The following OR51B5 variants were observed in gnomAD, a reference collection of about 807,000 sequenced individuals.
The protein encoded by OR51B5 is olfactory receptor 51B5.
For synonymous variants in OR51B5, 186 were observed against 144.8 expected (o/e 1.28, Z -2.04); for missense variants, 456 against 374.6 (o/e 1.22, Z -1.79).
chr11:5,366,425 G>A (rs914015973), intron 1 of OR51B5, among the ~76,000 whole-genome samples: 10 of 152,038 alleles, frequency 6.6e-5, no homozygotes, highest in African/African-American at 2.2e-4. Flanking sequence ...TGACCAACAT[G>A]GTGAAACCCT....
chr11:5,457,283 G>A (rs2736575), intron 1 of OR51B5, among the ~76,000 whole-genome samples: 84,236 of 152,030 alleles, frequency 0.55, 25,528 homozygotes, highest in Non-Finnish European at 0.67. Flanking sequence ...GCCTCAAGCC[G>A]CATCCATGTA....
intron 1 of OR51B5, among the ~76,000 whole-genome samples, chr11:5,405,499 G>T (rs1439798052): frequency 6.6e-6 from 1 of 150,540 alleles, no homozygotes; most frequent in Non-Finnish European, 1.5e-5. Flanking sequence ...AAGATACAAG[G>T]TTTCTTCCAC....
intron 1 of OR51B5, chr11:5,468,451 GAAACTCT>G (rs1484232906): frequency 9.2e-6 from 3 of 325,398 alleles, no homozygotes; most frequent in Non-Finnish European, 1.8e-5. Flanking sequence ...CAACAACAAA[GAAACTCT>G]AAGCCTTTCC....
chr11:5,364,712 A>G (rs1434895290), intron 1 of OR51B5, among the ~76,000 whole-genome samples: 2 of 152,134 alleles, frequency 1.3e-5, no homozygotes, highest in East Asian at 1.9e-4. Flanking sequence ...TTGCCCATCC[A>G]GCATATGACA....
chr11:5,376,034 T>TA (rs1381398672), intron 1 of OR51B5, among the ~76,000 whole-genome samples: 1 of 152,074 alleles, frequency 6.6e-6, no homozygotes, highest in Non-Finnish European at 1.5e-5. Flanking sequence ...ACACAACACC[T>TA]ATTCCAAAAT....
chr11:5,344,149 A>G (rs531549202), upstream of OR51B5, among the ~76,000 whole-genome samples: 2 of 152,322 alleles, frequency 1.3e-5, no homozygotes, highest in East Asian at 3.9e-4. Flanking sequence ...GACATTCACG[A>G]TTAGTGTGAA....
At chr11:5,415,305 T>G (rs1484687538) in intron 1 of OR51B5, among the ~76,000 whole-genome samples, 3 of 150,778 alleles carry the variant, frequency 2.0e-5, no homozygotes, top group South Asian at 2.1e-4. Flanking sequence ...TAGCACTAAA[T>G]GCCCACAAGA....
At chr11:5,359,795 G>T (rs71488530) in intron 1 of OR51B5, among the ~76,000 whole-genome samples, 22,434 of 149,804 alleles carry the variant, frequency 0.15, 2,034 homozygotes, top group Non-Finnish European at 0.21. Context: ...CCAAAACAGA[G>T]ATATAGACCA....
chr11:5,366,206 A>G (rs1849364950), intron 1 of OR51B5, among the ~76,000 whole-genome samples: 1 of 152,200 alleles, frequency 6.6e-6, no homozygotes, highest in South Asian at 2.1e-4. Context: ...TGAGGGAAAC[A>G]GGAAGGAAAA....
chr11:5,421,516 TCTGA>T (rs746426435), intron 1 of OR51B5, among the ~76,000 whole-genome samples: 32 of 152,266 alleles, frequency 2.1e-4, no homozygotes, highest in African/African-American at 2.2e-4. Context: ...TAAACAGACT[TCTGA>T]CTATTTCCTC....
intron 1 of OR51B5, among the ~76,000 whole-genome samples, chr11:5,418,356 GTAAC>G (rs1355073208): frequency 6.6e-6 from 1 of 151,970 alleles, no homozygotes; most frequent in Non-Finnish European, 1.5e-5. Context: ...GTATACATAT[GTAAC>G]TAACCTGCAC....
chr11:5,489,187 C>T (rs755656365), intron 1 of OR51B5: 2 of 1,612,216 alleles, frequency 1.2e-6, no homozygotes, highest in African/African-American at 2.7e-5. Flanking sequence ...TATTGTCTCC[C>T]CCTTCATCTT....
chr11:5,476,020 A>C (rs1229779037), intron 1 of OR51B5, among the ~76,000 whole-genome samples: 1 of 152,178 alleles, frequency 6.6e-6, no homozygotes, highest in Non-Finnish European at 1.5e-5. Flanking sequence ...CCCTCTCTTC[A>C]TGCCTCACAT....
At chr11:5,410,201 G>A (rs566359635) in intron 1 of OR51B5, among the ~76,000 whole-genome samples, 1 of 151,886 alleles carries the variant, frequency 6.6e-6, no homozygotes, top group African/African-American at 2.4e-5. Flanking sequence ...CATCGGAAAA[G>A]GTAAATATGT....
intron 1 of OR51B5, among the ~76,000 whole-genome samples, chr11:5,476,696 ATG>A (rs1564826229): frequency 6.6e-6 from 1 of 152,232 alleles, no homozygotes; most frequent in Non-Finnish European, 1.5e-5. Context: ...GATTCAGACT[ATG>A]TGAGTTTCAT....
At chr11:5,373,722 G>C (rs1423694840) in intron 1 of OR51B5, among the ~76,000 whole-genome samples, 1 of 152,198 alleles carries the variant, frequency 6.6e-6, no homozygotes, top group Non-Finnish European at 1.5e-5. Context: ...GAGTCTCCCT[G>C]ATTGCTAGCA....
In OR51B5 at chr11:5,453,741, T is replaced by C. The variant is rs113366643; in HGVS notation, n.84+51828A>G. ...CACACTGCCCACTGTACTCCGAACC[T>C]TCTGCCTCAATGCCCGCAACATCAC... On this transcript the variant is annotated intron_variant and non_coding_transcript_variant, in intron 1 of 4. Coordinates refer to the OR51B5 transcript ENST00000415970. 75 of 1,614,190 alleles carry C rather than the reference T, an allele frequency of 4.6e-5. No homozygotes were observed. In the African/African-American group the frequency reaches 8.3e-4, roughly 18 times the overall value.
At chr11:5,417,188 A>G (rs61894097) in intron 1 of OR51B5, among the ~76,000 whole-genome samples, 54,724 of 151,222 alleles carry the variant, frequency 0.36, 10,000 homozygotes, top group South Asian at 0.4. Flanking sequence ...AGGATTCCCT[A>G]TTTAATAAAT....
chr11:5,372,977 T>G (rs756817667), intron 1 of OR51B5, among the ~76,000 whole-genome samples: 1 of 152,150 alleles, frequency 6.6e-6, no homozygotes, highest in African/African-American at 2.4e-5. Context: ...AATAGACACA[T>G]AGACCAAATT....
Sources: allele counts gnomAD v4.1 joint callset (sites outside exome capture counted in the v4.1 genomes callset), GRCh38; gene constraint gnomAD v4.1.1; transcripts MANE v1.5; gene names NCBI Gene and HGNC (gene_info 2026-07-23, HGNC 2026-07-21).